Variants in HGF observed in about 807,000 individuals in gnomAD.
HGF encodes the protein hepatocyte growth factor.
HGF carries 39 observed loss-of-function variants against 111.6 expected under a neutral mutation model. The observed-to-expected ratio is 0.35, with a 90% CI of 0.27 to 0.46. The LOEUF (loss-of-function observed/expected upper bound fraction) is 0.46. Among genes scored for constraint, HGF ranks in the 20% least tolerant of loss-of-function variants. HGF has a pLI of 1.00. For missense variants in HGF, 735 were observed against 910.5 expected (o/e 0.81, Z 2.48); for synonymous variants, 285 against 294.8 (o/e 0.97, Z 0.34).
intron 4 of HGF, 80 bp from the exon 5 acceptor site, chr7:81,752,342 T>A: frequency 8.6e-7 from 1 of 1,157,014 alleles, no homozygotes; most frequent in South Asian, 1.2e-5. Flanking sequence ...TTAGTGGGTA[T>A]GTTTTTGCTG....
intron 13 of HGF, among the ~76,000 whole-genome samples, chr7:81,708,524 CTT>C (rs3081099): frequency 1.4e-5 from 1 of 72,472 alleles, no homozygotes; most frequent in Non-Finnish European, 2.4e-5. Flanking sequence ...TTCCTTCCTT[CTT>C]TTTTTTTTTT....
intron 4 of HGF, among the ~76,000 whole-genome samples, chr7:81,753,572 C>G (rs1419283607): frequency 6.6e-6 from 1 of 152,020 alleles, no homozygotes; most frequent in South Asian, 2.1e-4. Flanking sequence ...GCGTCATGTA[C>G]CAAGCAATAT....
chr7:81,721,385 AAAT>A (rs1789858203), intron 9 of HGF, among the ~76,000 whole-genome samples: 1 of 152,242 alleles, frequency 6.6e-6, no homozygotes. Context: ...CAAATATAAC[AAAT>A]AATAATTTAA....
chr7:81,735,219 T>C (rs964218301), intron 7 of HGF, among the ~76,000 whole-genome samples: 1 of 152,106 alleles, frequency 6.6e-6, no homozygotes, highest in Admixed American at 6.6e-5. Flanking sequence ...CATGTTTGCT[T>C]TCCATGTGAA....
At chr7:81,707,241 A>G (rs764242287) in intron 14 of HGF, 49 bp downstream of exon 14, 1 of 976,334 alleles carries the variant, frequency 1.0e-6, no homozygotes, top group South Asian at 1.3e-5. Flanking sequence ...AGTGGAAGAC[A>G]TACACATTTT....
At chr7:81,712,019 T>G (rs1270038469) in intron 11 of HGF, among the ~76,000 whole-genome samples, 1 of 152,216 alleles carries the variant, frequency 6.6e-6, no homozygotes, top group Non-Finnish European at 1.5e-5. Flanking sequence ...TCACGTTTAC[T>G]GGATAATATT....
chr7:81,756,194 G>A, intron 4 of HGF: 1 of 581,264 alleles, frequency 1.7e-6, no homozygotes, highest in Non-Finnish European at 3.1e-6. Context: ...TCCTAGTTGT[G>A]CATGACACTG....
intron 7 of HGF, chr7:81,742,989 G>A (rs1181010959): frequency 1.3e-6 from 2 of 1,589,396 alleles, no homozygotes; most frequent in Non-Finnish European, 1.7e-6. Context: ...GGATTGGAAG[G>A]TAAGGAACTA....
intron 5 of HGF, chr7:81,751,866 C>G: frequency 7.6e-7 from 1 of 1,315,878 alleles, no homozygotes; most frequent in Non-Finnish European, 9.7e-7. Flanking sequence ...CTCTCTTTCA[C>G]TTTCCCCAGA....
chr7:81,725,092 T>C (rs1583943865), intron 9 of HGF, among the ~76,000 whole-genome samples: 1 of 152,182 alleles, frequency 6.6e-6, no homozygotes, highest in East Asian at 1.9e-4. Context: ...TGTCAAGAAT[T>C]CTAGCTATTT....
chr7:81,712,393 G>A (rs1270812917), intron 11 of HGF, among the ~76,000 whole-genome samples: 1 of 151,856 alleles, frequency 6.6e-6, no homozygotes, highest in Non-Finnish European at 1.5e-5. Context: ...TGTCACTAAT[G>A]GAAAAAGAGG....
intron 1 of HGF, among the ~76,000 whole-genome samples, chr7:81,764,677 T>A (rs1366999919): frequency 2.6e-5 from 4 of 152,122 alleles, no homozygotes; most frequent in African/African-American, 9.6e-5. Context: ...TTTAAAAATG[T>A]TATAAATACG....
intron 10 of HGF, 121 bp downstream of exon 10, chr7:81,720,624 T>G: frequency 1.5e-6 from 1 of 688,490 alleles, no homozygotes; most frequent in Non-Finnish European, 2.6e-6. Flanking sequence ...ACCAATCTAA[T>G]GCTTTTATTA....
intron 17 of HGF, among the ~76,000 whole-genome samples, chr7:81,703,644 G>C (rs1583911129): frequency 6.6e-6 from 1 of 151,386 alleles, no homozygotes; most frequent in East Asian, 1.9e-4. Context: ...CTACAACTGT[G>C]CTGCACCACT....
chr7:81,751,705 G>C (rs1227740707), intron 5 of HGF: 1 of 1,037,864 alleles, frequency 9.6e-7, no homozygotes, highest in Non-Finnish European at 1.2e-6. Flanking sequence ...ACCACTTCAT[G>C]ATAGTTTGGA....
rs747426081 is a variant in HGF, at chr7:81,710,181, T to C, written c.1507A>G (p.Thr503Ala). The change falls in exon 13 of 18, where the codon ACA becomes GCA. Residue 503 changes from threonine (T) to alanine (A), a missense_variant. Around this residue, in one of 3 missense-constraint regions of HGF, gnomAD observed 553 missense variants for 685.6 expected, o/e 0.81. Transcript: ENST00000222390. ...LRVVNGIPTR[T>A]NIGWMVSLRY... ...AAACTAACCATCCATCCTATGTTTG[T>C]TCGTGTTGGAATCCCATTTACAACT... 4 of 1,613,052 alleles carry C rather than the reference T, an allele frequency of 2.5e-6. No individual in the cohort carries two copies. In the South Asian group the frequency reaches 4.4e-5, roughly 18 times the overall value.
At chr7:81,754,092 T>C (rs866221136) in intron 4 of HGF, among the ~76,000 whole-genome samples, 5 of 151,978 alleles carry the variant, frequency 3.3e-5, no homozygotes, top group African/African-American at 1.2e-4. Flanking sequence ...AAAGTTGATA[T>C]GGTAGAGTGG....
Position 81,702,774 on chromosome 7 carries a change from CAAA to C in HGF, c.2011-20_2011-18del. 1 of 1,603,208 alleles carries C rather than the reference CAAA, an allele frequency of 6.2e-7. No individual in the cohort carries two copies. Among genetic ancestry groups the C allele is most frequent in the Non-Finnish European group, 8.5e-7 (1 of 1,171,596 alleles). ...ATAATCCCCCTAGGAGTAAGACATA[CAAA>C]AACAAAGTATTATTAGGAATTAAAA... On this transcript the variant is annotated intron_variant, in intron 17 of 17. Transcript: ENST00000222390.
intron 10 of HGF, 70 bp downstream of exon 10, chr7:81,720,675 G>T: frequency 1.2e-6 from 1 of 849,626 alleles, no homozygotes; most frequent in Non-Finnish European, 2.0e-6. Flanking sequence ...AAATAGCAAT[G>T]TACATATCTA....
Sources: gnomAD v4.1 joint callset for allele counts (sites outside exome capture counted in the v4.1 genomes callset) on GRCh38, gnomAD v4.1.1 for gene constraint, gnomAD v4.1.1 regional missense constraint, MANE v1.5 for transcripts, NCBI Gene and HGNC (gene_info 2026-07-23, HGNC 2026-07-21) for gene names.